The following L3MBTL4 variants were observed in gnomAD, a reference collection of about 807,000 sequenced individuals.
The protein encoded by L3MBTL4 is L3MBTL histone methyl-lysine binding protein 4, also known as lethal(3)malignant brain tumor-like protein 4.
In L3MBTL4, 70 loss-of-function variants were observed where a neutral mutation model predicts 84.5. That is an observed-to-expected ratio of 0.83 (90% confidence interval 0.68 to 1.01). The LOEUF (loss-of-function observed/expected upper bound fraction) is 1.01, where lower values mean the gene tolerates loss of function less well. Ranked by LOEUF, L3MBTL4 falls within the 50% of genes least tolerant of loss-of-function variation. L3MBTL4 has a pLI of 0.00. For synonymous variants in L3MBTL4, 274 were observed against 259.8 expected (o/e 1.05, Z -0.52); for missense variants, 715 against 754.8 (o/e 0.95, Z 0.62).
At chr18:6,186,861 TG>T (rs2044795340) in intron 12 of L3MBTL4, among the ~76,000 whole-genome samples, 1 of 151,726 alleles carries the variant, frequency 6.6e-6, no homozygotes, top group East Asian at 1.9e-4. Flanking sequence ...AGGGGTGGCT[TG>T]GGGGCCTGCA....
intron 4 of L3MBTL4, among the ~76,000 whole-genome samples, chr18:6,265,757 A>G (rs1195422472): frequency 6.6e-6 from 1 of 152,200 alleles, no homozygotes; most frequent in African/African-American, 2.4e-5. Context: ...CATGCAATAA[A>G]AAAAAGTCAA....
intron 15 of L3MBTL4, 70 bp from the exon 16 acceptor site, chr18:6,081,021 A>G (rs2058059793): frequency 1.7e-6 from 2 of 1,152,956 alleles, no homozygotes; most frequent in African/African-American, 1.5e-5. Flanking sequence ...TGATAGCAGC[A>G]CAAATTTAAA....
At chr18:5,991,880 C>T (rs999821567) in intron 16 of L3MBTL4, among the ~76,000 whole-genome samples, 96 of 151,954 alleles carry the variant, frequency 6.3e-4, no homozygotes, top group Admixed American at 5.2e-4. Context: ...TGTCCACTGC[C>T]CTGGAGGGAT....
intron 1 of L3MBTL4, among the ~76,000 whole-genome samples, chr18:6,407,178 T>A (rs2055771473): frequency 6.6e-6 from 1 of 152,198 alleles, no homozygotes; most frequent in South Asian, 2.1e-4. Context: ...TAAAGATTAC[T>A]AATGATCGAC....
At chr18:6,312,131 G>T (rs1159997353) in intron 1 of L3MBTL4, 75 bp from the exon 2 acceptor site, 1 of 152,360 alleles carries the variant, frequency 6.6e-6, no homozygotes, top group East Asian at 1.9e-4. Context: ...CATAAACAGT[G>T]GTAGACATTC....
chr18:6,282,169 G>A (rs1248093778), intron 4 of L3MBTL4, among the ~76,000 whole-genome samples: 1 of 152,200 alleles, frequency 6.6e-6, no homozygotes, highest in Non-Finnish European at 1.5e-5. Flanking sequence ...TACTCATGGA[G>A]GACCTACTGT....
At chr18:6,312,164 G>C (rs550255691) in intron 1 of L3MBTL4, 108 bp from the exon 2 acceptor site, 1 of 152,248 alleles carries the variant, frequency 6.6e-6, no homozygotes, top group Admixed American at 6.5e-5. Context: ...TTTGAAATGA[G>C]ATTTTTTACA....
At chr18:6,105,191 T>C (rs1332335871) in intron 14 of L3MBTL4, among the ~76,000 whole-genome samples, 1 of 142,976 alleles carries the variant, frequency 7.0e-6, no homozygotes, top group African/African-American at 2.6e-5. Flanking sequence ...CAATTTTTTT[T>C]TTTTTTTTTT....
chr18:6,199,976 T>C (rs927436757), intron 12 of L3MBTL4, among the ~76,000 whole-genome samples: 1 of 152,138 alleles, frequency 6.6e-6, no homozygotes, highest in African/African-American at 2.4e-5. Flanking sequence ...CAGGCAGGAA[T>C]GCCAGCCCAG....
intron 14 of L3MBTL4, among the ~76,000 whole-genome samples, chr18:6,099,608 G>GAGAGA: frequency 2.9e-5 from 1 of 34,524 alleles, no homozygotes; most frequent in East Asian, 2.0e-3. Context: ...ATATATATAT[G>GAGAGA]GAGAGAGAGA....
intron 10 of L3MBTL4, among the ~76,000 whole-genome samples, chr18:6,230,154 G>A (rs561941953): frequency 6.6e-6 from 1 of 152,152 alleles, no homozygotes; most frequent in East Asian, 1.9e-4. Flanking sequence ...CAGGGGCCTG[G>A]TGTAAACATC....
intron 1 of L3MBTL4, among the ~76,000 whole-genome samples, chr18:6,325,256 A>G (rs2051655049): frequency 6.6e-6 from 1 of 152,246 alleles, no homozygotes. Context: ...CAGACAATAT[A>G]ACATTACACA....
At chr18:6,032,746 CT>C (rs2055894463) in intron 16 of L3MBTL4, among the ~76,000 whole-genome samples, 1 of 152,124 alleles carries the variant, frequency 6.6e-6, no homozygotes, top group Admixed American at 6.6e-5. Flanking sequence ...CCCCACTCTA[CT>C]TTCTGTCTCT....
Position 6,162,214 on chromosome 18 carries a change from T to C in L3MBTL4, c.1096+9614A>G, listed in dbSNP as rs572207131. On this transcript the variant is annotated intron_variant, in intron 13 of 18. Coordinates refer to ENST00000317931, the MANE Select transcript of L3MBTL4 (RefSeq NM_001330559.2). The stretch of plus-strand genomic sequence containing the variant: ...AATCCACTAAAGTAAATCAATAAAA[T>C]AACATTCAAGTCAGATTCCACCTCT... Among the ~76,000 whole-genome samples the C allele has an allele frequency of 5.3e-5, 8 of 152,198 alleles. No homozygotes were observed. In the South Asian group the frequency reaches 1.7e-3, roughly 32 times the overall value.
At chr18:6,088,917 A>G (rs530294161) in intron 15 of L3MBTL4, among the ~76,000 whole-genome samples, 1 of 152,264 alleles carries the variant, frequency 6.6e-6, no homozygotes, top group South Asian at 2.1e-4. Context: ...AGTGCGTGAA[A>G]TTTATAATAT....
At chr18:6,161,385 C>A (rs796391022) in intron 13 of L3MBTL4, among the ~76,000 whole-genome samples, 1 of 152,132 alleles carries the variant, frequency 6.6e-6, no homozygotes, top group South Asian at 2.1e-4. Context: ...TCTCAAGAGG[C>A]TTTTCCCTGT....
At chr18:6,413,589 G>C (rs1434448141) in intron 1 of L3MBTL4, among the ~76,000 whole-genome samples, 1 of 150,884 alleles carries the variant, frequency 6.6e-6, no homozygotes, top group Non-Finnish European at 1.5e-5. Context: ...GAAAACCGAA[G>C]AGCCACACTA....
At chr18:6,079,086 G>A (rs524924) in intron 16 of L3MBTL4, among the ~76,000 whole-genome samples, 4 of 152,218 alleles carry the variant, frequency 2.6e-5, no homozygotes, top group Non-Finnish European at 2.9e-5. Context: ...TTGCTCCCTC[G>A]CCTGCCCTCT....
chr18:6,237,579 C>T (rs896174906), intron 10 of L3MBTL4, among the ~76,000 whole-genome samples: 9 of 151,394 alleles, frequency 5.9e-5, no homozygotes, highest in African/African-American at 2.2e-4. Flanking sequence ...CCTCAGCCTC[C>T]CAAGTAGCTG....
Sources: allele counts gnomAD v4.1 joint callset (sites outside exome capture counted in the v4.1 genomes callset), GRCh38; gene constraint gnomAD v4.1.1; transcripts MANE v1.5; gene names NCBI Gene and HGNC (gene_info 2026-07-23, HGNC 2026-07-21).